The following NCOA6 variants were observed in gnomAD, a reference collection of about 807,000 sequenced individuals.
NCOA6 encodes nuclear receptor coactivator 6.
A neutral mutation model predicts 171.4 loss-of-function variants in NCOA6; 49 were observed. The ratio of observed to expected loss-of-function variants is 0.29; its 90% CI spans 0.23 to 0.36. NCOA6 has a LOEUF of 0.36. Among genes scored for constraint, NCOA6 ranks in the 10% least tolerant of loss-of-function variants. The pLI is 1.00. For missense variants in NCOA6, 2,248 were observed against 2,554.5 expected, an observed-to-expected ratio of 0.88 and a Z score of 2.59; for synonymous variants, 910 against 927.5, an observed-to-expected ratio of 0.98 and a Z score of 0.34.
At chr20:34,764,136 G>A (rs148024947) in intron 5 of NCOA6, among the ~76,000 whole-genome samples, 2 of 150,656 alleles carry the variant, frequency 1.3e-5, no homozygotes, top group African/African-American at 4.9e-5. Flanking sequence ...CACCCAGGCT[G>A]GAGTGCAGTG....
At chr20:34,808,892 T>C (rs986772979) in intron 1 of NCOA6, among the ~76,000 whole-genome samples, 2 of 152,184 alleles carry the variant, frequency 1.3e-5, no homozygotes, top group African/African-American at 4.8e-5. Context: ...GAAGACAGGT[T>C]TGGGAAATCA....
chr20:34,770,850 G>A (rs577276817), intron 4 of NCOA6, among the ~76,000 whole-genome samples: 2 of 151,706 alleles, frequency 1.3e-5, no homozygotes, highest in South Asian at 2.1e-4. Context: ...GACTGGTCTC[G>A]AATTCCTGAC....
chr20:34,802,609 A>G (rs373493368), intron 1 of NCOA6, among the ~76,000 whole-genome samples: 1 of 65,592 alleles, frequency 1.5e-5, no homozygotes, highest in Non-Finnish European at 4.0e-5. Flanking sequence ...CAAAAAAAAG[A>G]AAAAAAAAAT....
At chr20:34,769,912 GA>G (rs1355733245) in intron 4 of NCOA6, among the ~76,000 whole-genome samples, 1 of 151,974 alleles carries the variant, frequency 6.6e-6, no homozygotes, top group African/African-American at 2.4e-5. Flanking sequence ...TGTGGCTGCT[GA>G]GCTGAAAGGC....
At chr20:34,767,837 T>G (rs918179885) in intron 5 of NCOA6, among the ~76,000 whole-genome samples, 2 of 152,186 alleles carry the variant, frequency 1.3e-5, no homozygotes, top group African/African-American at 4.8e-5. Context: ...AGTTTATCGC[T>G]CCTTGACCCT....
At chr20:34,739,072 A>AAGGG (rs2076049717) in intron 11 of NCOA6, 1 of 418,398 alleles carries the variant, frequency 2.4e-6, no homozygotes, top group African/African-American at 2.0e-5. Context: ...GGAACATGTC[A>AAGGG]GGGAAGGGAA....
rs150391967 is a variant in NCOA6, at chr20:34,797,146, T to G, written c.-163-4583A>C. Among the ~76,000 whole-genome samples the G allele has an allele frequency of 7.4e-3, 1,128 of 152,244 alleles. 12 individuals carry two copies. Among genetic ancestry groups the G allele is most frequent in the African/African-American group, 0.025 (1,027 of 41,540 alleles). ...TAAGAACCTGGACCATCAGCCAGCA[T>G]GGCCAAGGAGTAATTGTGCCACCTC... On this transcript the variant is annotated intron_variant, in intron 1 of 14. Coordinates refer to ENST00000359003, the MANE Select transcript of NCOA6 (RefSeq NM_014071.5).
chr20:34,763,792 C>T (rs2076888309), intron 5 of NCOA6, among the ~76,000 whole-genome samples: 1 of 152,184 alleles, frequency 6.6e-6, no homozygotes. Flanking sequence ...CGAACACAGA[C>T]AAATTTCCCA....
chr20:34,730,888 G>A (rs900979258), intron 13 of NCOA6, among the ~76,000 whole-genome samples: 5 of 151,540 alleles, frequency 3.3e-5, no homozygotes, highest in African/African-American at 1.2e-4. Flanking sequence ...CTAATTTTTT[G>A]TATAGACAGG....
Position 34,741,589 on chromosome 20 carries a change from C to A in NCOA6, c.4667G>T (p.Cys1556Phe), listed in dbSNP as rs140961143. 5.6e-6 allele frequency: 9 copies of A among 1,614,054 alleles called. No individual in the cohort carries two copies. Among genetic ancestry groups the A allele is most frequent in the African/African-American group, 1.3e-5 (1 of 74,902 alleles). Reference sequence around the variant, plus strand: ...CAATTCGGGATGCACAAGGGATGAACACAGCTCATTACTGTGAGGTAAGTT... The same window carrying A: ...CAATTCGGGATGCACAAGGGATGAAAACAGCTCATTACTGTGAGGTAAGTT... ...SLNLPHSNEL[C>F]SSLVHPELSE... The change falls in exon 11 of 15, where the codon TGT (cysteine) becomes TTT (phenylalanine). Residue 1556 changes from cysteine to phenylalanine, a missense_variant. Transcript: ENST00000359003.
At chr20:34,730,665 T>C (rs1990497693) in intron 13 of NCOA6, among the ~76,000 whole-genome samples, 1 of 151,580 alleles carries the variant, frequency 6.6e-6, no homozygotes, top group African/African-American at 2.4e-5. Context: ...GGTGAAGTCT[T>C]AGCTATGCAT....
chr20:34,782,131 C>T lies in NCOA6; in HGVS notation c.225G>A (p.Leu75=), dbSNP rs769583989. The part of the protein sequence containing the change: ...LDAILKNVPN[L]LHMESSKLKV... ...ATTAAAGCAAATTACCCATGTGTAA[C>T]AAATTGGGCACGTTTTTCAATATTG... The change falls in exon 3 of 15, where the codon TTG becomes TTA. Residue 75 remains leucine, a synonymous_variant. Transcript: ENST00000359003. 1.9e-6 allele frequency: 3 copies of T among 1,589,136 alleles called. No homozygotes were observed. Among genetic ancestry groups the T allele is most frequent in the Non-Finnish European group, 2.6e-6 (3 of 1,164,610 alleles).
chr20:34,743,199 A>T lies in NCOA6; in HGVS notation c.3057T>A (p.Ser1019Arg), dbSNP rs1463986268. 1 of 1,613,840 alleles carries T rather than the reference A, an allele frequency of 6.2e-7. No homozygotes were observed. ...GCTGCTGCTGCTGAGACTGTGGCTG[A>T]CTGGGAGGTGGTGGCTGCTGCTGCT... is the stretch of plus-strand genomic sequence containing the variant. ...LPQQQQPPPP[S>R]QPQSQQQQQQ... Residue 1019 changes from serine (S) to arginine (R), a missense_variant, in exon 11 of 15, where the codon AGT (serine) becomes AGA (arginine). This residue lies in a region of NCOA6 where 352 missense variants were observed against 419.1 expected (regional missense o/e 0.84). Transcript: ENST00000359003.
At chr20:34,764,009 A>ATTTTTTT (rs11471838) in intron 5 of NCOA6, among the ~76,000 whole-genome samples, 1 of 107,266 alleles carries the variant, frequency 9.3e-6, no homozygotes, top group African/African-American at 3.8e-5. Flanking sequence ...CACCTTTGAC[A>ATTTTTTT]TTTTTTTTTT....
chr20:34,739,638 A>C (rs762030155), intron 11 of NCOA6, among the ~76,000 whole-genome samples: 7 of 152,228 alleles, frequency 4.6e-5, no homozygotes, highest in Non-Finnish European at 1.0e-4. Context: ...TTCACACTTA[A>C]GGCACAGTGT....
intron 5 of NCOA6, among the ~76,000 whole-genome samples, chr20:34,761,696 C>A (rs964126629): frequency 2.0e-5 from 3 of 151,942 alleles, no homozygotes; most frequent in Admixed American, 6.6e-5. Flanking sequence ...CACTCTGTTG[C>A]CGAGGCTGGA....
chr20:34,813,941 C>T (rs929121375), intron 1 of NCOA6, among the ~76,000 whole-genome samples: 1 of 151,982 alleles, frequency 6.6e-6, no homozygotes, highest in African/African-American at 2.4e-5. Context: ...AAGTGATAGC[C>T]TCAGACCTAA....
chr20:34,804,435 A>C (rs906595011), intron 1 of NCOA6, among the ~76,000 whole-genome samples: 1 of 148,946 alleles, frequency 6.7e-6, no homozygotes, highest in Admixed American at 6.8e-5. Context: ...TGGACCTGGG[A>C]GGTTGAGGCT....
intron 1 of NCOA6, among the ~76,000 whole-genome samples, chr20:34,810,267 C>T (rs1334832827): frequency 6.6e-6 from 1 of 152,166 alleles, no homozygotes; most frequent in African/African-American, 2.4e-5. Context: ...TGTCCTAGGT[C>T]ACAGATATAG....
Sources: allele counts gnomAD v4.1 joint callset (sites outside exome capture counted in the v4.1 genomes callset), GRCh38; gene constraint gnomAD v4.1.1; regional missense constraint gnomAD v4.1.1; transcripts MANE v1.5; gene names NCBI Gene and HGNC (gene_info 2026-07-23, HGNC 2026-07-21).